The following ALDH1L2 variants were observed in gnomAD, a reference collection of about 807,000 sequenced individuals.
ALDH1L2 encodes the protein aldehyde dehydrogenase 1 family member L2.
Under a neutral mutation model 111.0 loss-of-function variants are expected in ALDH1L2, and 91 were observed. The ratio of observed to expected loss-of-function variants is 0.82; its 90% confidence interval spans 0.69 to 0.98. ALDH1L2 has a LOEUF of 0.98. Among genes scored for constraint, ALDH1L2 ranks in the 50% least tolerant of loss-of-function variants. The pLI, the probability that ALDH1L2 is intolerant of heterozygous loss-of-function variation, is 0.00. For synonymous variants in ALDH1L2, 374 were observed against 392.6 expected (o/e 0.95, Z 0.56); for missense variants, 995 against 1,126.8 (o/e 0.88, Z 1.67).
intron 18 of ALDH1L2, among the ~76,000 whole-genome samples, chr12:105,036,478 CAT>C (rs1295846032): frequency 3.0e-5 from 3 of 100,646 alleles, no homozygotes; most frequent in Non-Finnish European, 6.1e-5. Context: ...TATACACACA[CAT>C]ATATACGTAT....
chr12:105,079,256 A>G (rs1878222386), intron 1 of ALDH1L2, among the ~76,000 whole-genome samples: 1 of 152,212 alleles, frequency 6.6e-6, no homozygotes, highest in Non-Finnish European at 1.5e-5. Flanking sequence ...ACAAACTCTC[A>G]TACTAACAGA....
chr12:105,054,117 T>C (rs763323284), intron 10 of ALDH1L2, among the ~76,000 whole-genome samples: 2 of 152,152 alleles, frequency 1.3e-5, no homozygotes, highest in Non-Finnish European at 2.9e-5. Flanking sequence ...AGGAGCAAAC[T>C]GTGGCTTAGG....
In ALDH1L2 at chr12:105,066,897, G is replaced by A. The variant is rs997280633; in HGVS notation, c.595-228C>T. 9.2e-5 allele frequency among the ~76,000 whole-genome samples: 14 copies of A among 152,292 alleles called. 1 individual carries two copies. Among genetic ancestry groups the A allele is most frequent in the Admixed American group, 1.3e-4 (2 of 15,304 alleles). On this transcript the variant is annotated intron_variant, in intron 4 of 22. Coordinates refer to ENST00000258494, the MANE Select transcript of ALDH1L2 (RefSeq NM_001034173.4). ...ACACAAATCCTGCAAGGTGTATATT[G>A]TTATTCCTGTTTTACACCTGAGGAA...
intron 1 of ALDH1L2, among the ~76,000 whole-genome samples, chr12:105,078,157 G>T (rs561383542): frequency 8.8e-4 from 134 of 152,318 alleles, no homozygotes; most frequent in Middle Eastern, 3.4e-3. Flanking sequence ...ACTCTGTTAA[G>T]ATTTTTAGGA....
intron 18 of ALDH1L2, 96 bp downstream of exon 18, chr12:105,038,007 T>A: frequency 1.1e-6 from 1 of 918,752 alleles, no homozygotes; most frequent in Non-Finnish European, 1.7e-6. Context: ...TCTCAAGTGA[T>A]CCACCCGTCT....
intron 12 of ALDH1L2, 48 bp from the exon 13 acceptor site, chr12:105,050,106 C>T (rs756572927): frequency 7.4e-6 from 11 of 1,495,372 alleles, no homozygotes; most frequent in African/African-American, 4.2e-5. Context: ...TGATTGAGCT[C>T]CTGTCACATA....
At chr12:105,065,764 G>A (rs977326443) in intron 5 of ALDH1L2, among the ~76,000 whole-genome samples, 5 of 150,664 alleles carry the variant, frequency 3.3e-5, no homozygotes, top group African/African-American at 4.9e-5. Context: ...TGCTTTGTCC[G>A]CACCTAGATT....
chr12:105,076,033 G>T (rs1346725533), intron 1 of ALDH1L2, among the ~76,000 whole-genome samples: 1 of 152,172 alleles, frequency 6.6e-6, no homozygotes, highest in African/African-American at 2.4e-5. Flanking sequence ...TGATCTACCT[G>T]CCTTGGCCTC....
Position 105,052,838 on chromosome 12 carries a change from C to A in ALDH1L2, c.1381G>T (p.Asp461Tyr). The A allele has an allele frequency of 1.2e-6, 2 of 1,614,114 alleles. No individual in the cohort carries two copies. Among genetic ancestry groups the A allele is most frequent in the East Asian group, 2.2e-5 (1 of 44,872 alleles). ...GATCCATCTGTTGGGTTGATAGTGTCGTAAGTCTTTCCATCGTCTGCATCT... is the reference window on the plus strand; with the variant it reads ...GATCCATCTGTTGGGTTGATAGTGTAGTAAGTCTTTCCATCGTCTGCATCT... ...FTDADDGKTY[D>Y]TINPTDGSTI... The change falls in exon 11 of 23, where the codon GAC (aspartate) becomes TAC (tyrosine). Residue 461 changes from aspartate to tyrosine, a missense_variant. Asp to Tyr is a radical substitution (Grantham distance 160, BLOSUM62 -3). Transcript: ENST00000258494.
At chr12:105,065,226 A>T (rs777637860) in intron 6 of ALDH1L2, 41 bp downstream of exon 6, 1 of 1,061,332 alleles carries the variant, frequency 9.4e-7, no homozygotes, top group Non-Finnish European at 1.3e-6. Context: ...CAAAGGTAAT[A>T]ATCGGGGAGG....
chr12:105,035,878 C>CGTATATTTATATATGT (rs1565951309), intron 18 of ALDH1L2, among the ~76,000 whole-genome samples: 32 of 107,826 alleles, frequency 3.0e-4, no homozygotes, highest in African/African-American at 1.4e-3. Flanking sequence ...TACACACACA[C>CGTATATTTATATATGT]ATATATATAC....
chr12:105,043,395 C>T (rs1052713543), intron 15 of ALDH1L2, among the ~76,000 whole-genome samples: 1 of 152,190 alleles, frequency 6.6e-6, no homozygotes, highest in South Asian at 2.1e-4. Context: ...CACCACTTTT[C>T]CTCCTTCTAG....
chr12:105,028,882 T>C (rs886897929), intron 21 of ALDH1L2, among the ~76,000 whole-genome samples: 2 of 152,204 alleles, frequency 1.3e-5, no homozygotes, highest in East Asian at 1.9e-4. Flanking sequence ...TATTATTTGC[T>C]CACTGCAATG....
intron 15 of ALDH1L2, among the ~76,000 whole-genome samples, chr12:105,042,086 C>A (rs542512135): frequency 3.9e-4 from 59 of 152,014 alleles, no homozygotes; most frequent in Non-Finnish European, 7.1e-4. Flanking sequence ...ACACAACACA[C>A]ACACACACGT....
chr12:105,078,907 C>T (rs974813340), intron 1 of ALDH1L2, among the ~76,000 whole-genome samples: 4 of 152,116 alleles, frequency 2.6e-5, no homozygotes, highest in African/African-American at 2.4e-5. Flanking sequence ...ATGTGCACAG[C>T]GTGTCCAATA....
rs1184777539 is a variant in ALDH1L2, at chr12:105,022,904, G to A, written c.*1520C>T. 1.3e-5 allele frequency: 2 copies of A among 152,122 alleles called. No homozygotes were observed. Among genetic ancestry groups the A allele is most frequent in the Non-Finnish European group, 2.9e-5 (2 of 68,008 alleles). The allele number at this position is 152,122 out of a possible 1,614,324, so 9.4% of individuals were successfully genotyped here. Reference sequence around the variant, plus strand: ...GGCTTCTTCAAAGCCAAAGAAAAAGGAATGTTTACTGAAATTTTATTTTTA... The same window carrying A: ...GGCTTCTTCAAAGCCAAAGAAAAAGAAATGTTTACTGAAATTTTATTTTTA... On this transcript the variant is annotated 3_prime_UTR_variant, in exon 23 of 23. Transcript: ENST00000258494.
rs1410705680 is a variant in ALDH1L2, at chr12:105,021,619, G to A, written c.*2805C>T. 2 of 151,956 alleles carry A rather than the reference G, an allele frequency of 1.3e-5. No homozygotes were observed. The highest frequency in any genetic ancestry group is 1.3e-4 in the Admixed American group (2 of 15,244). 9.4% of individuals were successfully genotyped at this position (151,956 alleles called of 1,614,324 possible). A position where few individuals can be genotyped will look rare whatever the true frequency, so the allele number is the denominator to read the frequency against. ...AAAAAGTAATAATGGCTTAGGGGTA[G>A]AGGTAGTAAGAAAAGCACGTTGATT... On this transcript the variant is annotated 3_prime_UTR_variant, in exon 23 of 23. Transcript: ENST00000258494.
At chr12:105,024,894 CAG>C (rs1874340178) in intron 22 of ALDH1L2, among the ~76,000 whole-genome samples, 2 of 152,178 alleles carry the variant, frequency 1.3e-5, no homozygotes, top group South Asian at 4.1e-4. Flanking sequence ...TTAAACTAAA[CAG>C]AAGTAACCAG....
chr12:105,055,659 G>C (rs923942802), intron 10 of ALDH1L2, among the ~76,000 whole-genome samples: 2 of 150,292 alleles, frequency 1.3e-5, no homozygotes, highest in Admixed American at 6.7e-5. Context: ...TATGTTCAAT[G>C]AACTAAAGGA....
Sources: gnomAD v4.1 joint callset for allele counts (sites outside exome capture counted in the v4.1 genomes callset) on GRCh38, gnomAD v4.1.1 for gene constraint, MANE v1.5 for transcripts, NCBI Gene and HGNC (gene_info 2026-07-23, HGNC 2026-07-21) for gene names.